The following NOSTRIN variants were observed in gnomAD, a reference collection of about 807,000 sequenced individuals.
NOSTRIN encodes the protein BM247 homolog.
NOSTRIN carries 63 observed loss-of-function variants against 59.0 expected under a neutral mutation model. The observed-to-expected ratio is 1.07, with a 90% CI of 0.87 to 1.32. The LOEUF (loss-of-function observed/expected upper bound fraction) is 1.32, where lower values mean the gene tolerates loss of function less well. Among genes scored for constraint, NOSTRIN ranks in the 40% most tolerant of loss-of-function variants. NOSTRIN has a pLI of 0.00. For synonymous variants in NOSTRIN, 200 were observed against 165.4 expected, an observed-to-expected ratio of 1.21 and a Z score of -1.61; for missense variants, 512 against 473.1, an observed-to-expected ratio of 1.08 and a Z score of -0.76.
At chr2:168,807,814 A>T (rs1360497717) in intron 1 of NOSTRIN, among the ~76,000 whole-genome samples, 2 of 152,178 alleles carry the variant, frequency 1.3e-5, no homozygotes, top group Non-Finnish European at 2.9e-5. Flanking sequence ...AATATTTGCT[A>T]TGTGCACCAT....
chr2:168,834,507 G>GCGCGTGCGCGCACACACA (rs756381301), intron 7 of NOSTRIN, among the ~76,000 whole-genome samples, 182 bp downstream of exon 7: 1 of 125,342 alleles, frequency 8.0e-6, no homozygotes, highest in East Asian at 2.4e-4. Context: ...GCGCGCGCGC[G>GCGCGTGCGCGCACACACA]CACACACACA....
chr2:168,850,578 C>G (rs1209189656), intron 8 of NOSTRIN, among the ~76,000 whole-genome samples: 1 of 151,962 alleles, frequency 6.6e-6, no homozygotes, highest in Non-Finnish European at 1.5e-5. Context: ...TGGGCTTCAC[C>G]CTCTGGAATT....
At chr2:168,850,161 C>T (rs1680396398) in intron 8 of NOSTRIN, among the ~76,000 whole-genome samples, 1 of 151,868 alleles carries the variant, frequency 6.6e-6, no homozygotes, top group South Asian at 2.1e-4. Flanking sequence ...GATCCTCCCA[C>T]CCTGGCCTCC....
At chr2:168,855,509 C>T (rs765242985) in intron 11 of NOSTRIN, 49 bp downstream of exon 11, 1 of 1,037,782 alleles carries the variant, frequency 9.6e-7, no homozygotes, top group Non-Finnish European at 1.5e-6. Context: ...ATATGATGCT[C>T]AGAGGTTTCA....
intron 15 of NOSTRIN, among the ~76,000 whole-genome samples, chr2:168,862,292 T>C (rs1193188094): frequency 3.3e-5 from 5 of 152,208 alleles, no homozygotes; most frequent in African/African-American, 1.2e-4. Context: ...CATGAAACCC[T>C]TGGAGGGTTT....
At chr2:168,811,370 T>A (rs575801914) in intron 1 of NOSTRIN, 197 bp from the exon 2 acceptor site, 1 of 329,096 alleles carries the variant, frequency 3.0e-6, no homozygotes, top group Admixed American at 5.0e-5. Flanking sequence ...TTCTCCTGGG[T>A]CTTTCATATC....
At chr2:168,808,669 T>A (rs1685989602) in intron 1 of NOSTRIN, among the ~76,000 whole-genome samples, 1 of 152,166 alleles carries the variant, frequency 6.6e-6, no homozygotes, top group Non-Finnish European at 1.5e-5. Flanking sequence ...ACAGGACCTA[T>A]AAAGAAAATC....
At chr2:168,846,190 T>G (rs1688410393) in intron 8 of NOSTRIN, among the ~76,000 whole-genome samples, 1 of 152,230 alleles carries the variant, frequency 6.6e-6, no homozygotes, top group Non-Finnish European at 1.5e-5. Context: ...TTTATGGCAC[T>G]CAAGTGTCAA....
At chr2:168,816,864 T>G in intron 2 of NOSTRIN, among the ~76,000 whole-genome samples, 1 of 152,210 alleles carries the variant, frequency 6.6e-6, no homozygotes. Context: ...AAGGCACTCA[T>G]GTTTGAGTGA....
intron 6 of NOSTRIN, 52 bp downstream of exon 6, chr2:168,831,586 GT>G (rs772284642): frequency 1.2e-6 from 1 of 816,030 alleles, no homozygotes; most frequent in South Asian, 1.4e-5. Flanking sequence ...GAATTGAAGT[GT>G]TTTGCTTTCA....
chr2:168,789,591 GTA>G (rs1685293892), intron 2 of NOSTRIN, among the ~76,000 whole-genome samples: 1 of 152,158 alleles, frequency 6.6e-6, no homozygotes, highest in African/African-American at 2.4e-5. Flanking sequence ...GATCCAAACC[GTA>G]TCAGCTGGAG....
intron 1 of NOSTRIN, 139 bp downstream of exon 1, chr2:168,802,812 T>C: frequency 1.4e-6 from 1 of 734,080 alleles, no homozygotes; most frequent in Admixed American, 2.1e-5. Flanking sequence ...GTGCAAAAGT[T>C]TGTGGTTTTT....
chr2:168,842,405 T>G (rs1688157986), intron 7 of NOSTRIN, among the ~76,000 whole-genome samples: 1 of 152,188 alleles, frequency 6.6e-6, no homozygotes, highest in Non-Finnish European at 1.5e-5. Context: ...AAACTGTGGC[T>G]CAGTAAGGTT....
chr2:168,859,291 G>A (rs919391871), intron 12 of NOSTRIN: 1 of 504,934 alleles, frequency 2.0e-6, no homozygotes, highest in South Asian at 3.4e-5. Flanking sequence ...CACCCCCAGA[G>A]TACAGAATGA....
intron 1 of NOSTRIN, 32 bp from the exon 2 acceptor site, chr2:168,811,535 A>G (rs915681179): frequency 1.3e-6 from 1 of 749,200 alleles, no homozygotes; most frequent in African/African-American, 1.8e-5. Flanking sequence ...CTTCCTGTTC[A>G]TTGTTTTTTT....
intron 12 of NOSTRIN, chr2:168,859,284 C>T (rs1037027660): frequency 2.2e-6 from 1 of 451,394 alleles, no homozygotes; most frequent in Non-Finnish European, 3.8e-6. Flanking sequence ...TCCTGTTCAC[C>T]CCCAGAGTAC....
chr2:168,798,567 C>T, upstream of NOSTRIN, among the ~76,000 whole-genome samples: 1 of 152,064 alleles, frequency 6.6e-6, no homozygotes, highest in Non-Finnish European at 1.5e-5. Context: ...GAGGCCATAC[C>T]AGGAAGGCAC....
In NOSTRIN at chr2:168,861,956, T is replaced by G. The variant is rs769316240; in HGVS notation, c.1295-4T>G. ...CATACTAATTACAGCTTTATCTATT[T>G]CAGCCCCTGGTGCAGCCCAGCTCAG... is the stretch of plus-strand genomic sequence containing the variant. On this transcript the variant is annotated splice_polypyrimidine_tract_variant and splice_region_variant and intron_variant, in intron 14 of 15. Transcript: ENST00000317647. The G allele has an allele frequency of 4.8e-5, 77 of 1,613,926 alleles. No homozygotes were observed. In the South Asian group the frequency reaches 8.3e-4, roughly 17 times the overall value.
chr2:168,790,745 A>G (rs1479006793), intron 2 of NOSTRIN, among the ~76,000 whole-genome samples: 1 of 152,190 alleles, frequency 6.6e-6, no homozygotes, highest in African/African-American at 2.4e-5. Flanking sequence ...TAGGCAGGAC[A>G]ATTGGTGGAA....
Sources: gnomAD v4.1 joint callset for allele counts (sites outside exome capture counted in the v4.1 genomes callset) on GRCh38, gnomAD v4.1.1 for gene constraint, MANE v1.5 for transcripts, NCBI Gene and HGNC (gene_info 2026-07-23, HGNC 2026-07-21) for gene names.